The following RABGAP1L variants were observed in gnomAD, a reference collection of about 807,000 sequenced individuals.
RABGAP1L encodes rab GTPase-activating protein 1-like.
In RABGAP1L, 63 loss-of-function variants were observed where a neutral mutation model predicts 137.7. The observed-to-expected ratio is 0.46, with a 90% CI of 0.37 to 0.56. The LOEUF is 0.56. RABGAP1L is among the 20% of genes least tolerant of loss of function. The probability of loss-of-function intolerance (pLI) is 0.00; values close to 1 mark genes in which losing one functional copy is unlikely to be tolerated. For missense variants in RABGAP1L, 1,095 were observed against 1,244.0 expected, an observed-to-expected ratio of 0.88 and a Z score of 1.80; for synonymous variants, 431 against 433.7, an observed-to-expected ratio of 0.99 and a Z score of 0.08.
intron 14 of RABGAP1L, among the ~76,000 whole-genome samples, chr1:174,638,824 G>A (rs1174700769): frequency 6.9e-6 from 1 of 145,336 alleles, no homozygotes; most frequent in Non-Finnish European, 1.5e-5. Flanking sequence ...CTCATAGGTG[G>A]GAATTGAACA....
rs1668742771 is a variant in RABGAP1L, at chr1:174,957,921, G to A, written c.2433+372G>A. ...ATATTTGTAGGTAACTCCAGCTGTT[G>A]CATTTATACTGGGAATCTTCATAAG... On this transcript the variant is annotated intron_variant, in intron 20 of 25. Coordinates refer to ENST00000681986, the MANE Select transcript of RABGAP1L (RefSeq NM_001366446.1). 3 of 1,582,904 alleles carry A rather than the reference G, an allele frequency of 1.9e-6. No individual in the cohort carries two copies. In the Middle Eastern group the frequency reaches 5.1e-4, roughly 269 times the overall value.
chr1:174,331,371 A>G lies in RABGAP1L; in HGVS notation c.1465+26244A>G, dbSNP rs542872850. On this transcript the variant is annotated intron_variant, in intron 11 of 25. Transcript: ENST00000681986. ...ACTAAAAAGCTCCTGCACAGCAAGG[A>G]AAAAATCAACAATGAAGAGACAGCC... Among the ~76,000 whole-genome samples, 3 of 152,360 alleles carry G rather than the reference A, an allele frequency of 2.0e-5. 1 individual carries two copies. Among genetic ancestry groups the G allele is most frequent in the African/African-American group, 7.2e-5 (3 of 41,588 alleles).
intron 11 of RABGAP1L, among the ~76,000 whole-genome samples, chr1:174,358,205 A>G (rs1683807019): frequency 1.3e-5 from 2 of 152,216 alleles, no homozygotes; most frequent in South Asian, 4.1e-4. Context: ...CCTTCGGTGT[A>G]AAATGAAGAA....
At chr1:174,830,032 CAT>C (rs1274841783) in intron 19 of RABGAP1L, among the ~76,000 whole-genome samples, 3 of 148,192 alleles carry the variant, frequency 2.0e-5, no homozygotes, top group African/African-American at 7.4e-5. Flanking sequence ...TGGATTCACT[CAT>C]GTGGTAGCAT....
chr1:174,452,306 A>G (rs1655535633), intron 13 of RABGAP1L, among the ~76,000 whole-genome samples: 1 of 152,162 alleles, frequency 6.6e-6, no homozygotes, highest in East Asian at 1.9e-4. Context: ...GGAAAGCTTC[A>G]TAATTGACAC....
chr1:174,572,022 C>T (rs1668016337), intron 13 of RABGAP1L, among the ~76,000 whole-genome samples: 1 of 152,146 alleles, frequency 6.6e-6, no homozygotes, highest in Admixed American at 6.5e-5. Flanking sequence ...TGCTCTGCTT[C>T]CCTAATCTAA....
Position 174,849,961 on chromosome 1 carries a change from C to G in RABGAP1L, c.2340+38001C>G, listed in dbSNP as rs964847618. 1.1e-5 allele frequency: 8 copies of G among 719,902 alleles called. No individual in the cohort carries two copies. The Admixed American group carries it at 1.5e-4, about 14-fold the overall frequency. The allele number at this position is 719,902 out of a possible 1,614,324, so 44.6% of individuals were successfully genotyped here. A position where few individuals can be genotyped will look rare whatever the true frequency, so the allele number is the denominator to read the frequency against. ...GAAGACACAGGATCTTTGGAATCAA[C>G]ATACACATCTTTTAGAAATGACAGC... On this transcript the variant is annotated intron_variant, in intron 19 of 25. Transcript: ENST00000681986.
rs144492645 is a variant in RABGAP1L, at chr1:174,583,769, T to C, written c.1711-53606T>C. Among the ~76,000 whole-genome samples the C allele has an allele frequency of 1.4e-3, 206 of 152,312 alleles. 1 individual carries two copies. The highest frequency in any genetic ancestry group is 4.6e-3 in the African/African-American group (192 of 41,582). ...TACTAGACTTATTGCCCTTGTGCTG[T>C]AGAGAAAGAGCAAAAGAATTTTAGG... On this transcript the variant is annotated intron_variant, in intron 13 of 25. Transcript: ENST00000681986.
At chr1:174,160,629 G>A (rs763388286) in intron 1 of RABGAP1L, among the ~76,000 whole-genome samples, 2 of 152,190 alleles carry the variant, frequency 1.3e-5, no homozygotes, top group Non-Finnish European at 1.5e-5. Context: ...AGATTTCAGC[G>A]CAGTTTGGAA....
At chr1:174,829,085 T>C (rs1691855262) in intron 19 of RABGAP1L, among the ~76,000 whole-genome samples, 1 of 147,856 alleles carries the variant, frequency 6.8e-6, no homozygotes. Context: ...GTTTCTCTCA[T>C]TGTGAGGTCC....
intron 17 of RABGAP1L, among the ~76,000 whole-genome samples, chr1:174,737,838 A>G (rs886081142): frequency 1.3e-5 from 2 of 152,144 alleles, no homozygotes; most frequent in Non-Finnish European, 2.9e-5. Context: ...AGCATATCAC[A>G]TGGAAAGAGC....
chr1:174,455,775 A>G (rs1253979285), intron 13 of RABGAP1L, among the ~76,000 whole-genome samples: 1 of 152,168 alleles, frequency 6.6e-6, no homozygotes, highest in Non-Finnish European at 1.5e-5. Context: ...GGAAACACTT[A>G]TAACGCTTTT....
rs536674501 is a variant in RABGAP1L, at chr1:174,744,901, T to C, written c.2170-7412T>C. Among the ~76,000 whole-genome samples the C allele has an allele frequency of 2.4e-4, 37 of 152,328 alleles. No individual in the cohort carries two copies. In the East Asian group the frequency reaches 5.8e-3, roughly 24 times the overall value. Reference sequence around the variant, plus strand: ...CTATGGTTATGTAAGATGTTAATGTTTGGGTAAAACTGAGTGAAGGATATG... The same window carrying C: ...CTATGGTTATGTAAGATGTTAATGTCTGGGTAAAACTGAGTGAAGGATATG... On this transcript the variant is annotated intron_variant, in intron 17 of 25. Transcript: ENST00000681986.
intron 13 of RABGAP1L, among the ~76,000 whole-genome samples, chr1:174,580,644 G>C (rs572747312): frequency 6.6e-6 from 1 of 152,098 alleles, no homozygotes; most frequent in Admixed American, 6.6e-5. Flanking sequence ...GTGGGAGGAG[G>C]GGGGAGGGAT....
chr1:174,203,268 T>C (rs1668263888), intron 1 of RABGAP1L, among the ~76,000 whole-genome samples: 2 of 152,176 alleles, frequency 1.3e-5, no homozygotes, highest in Admixed American at 6.6e-5. Flanking sequence ...AGGGAGTCTT[T>C]TCCCCATTGC....
chr1:174,310,262 G>A (rs545244450), intron 11 of RABGAP1L, among the ~76,000 whole-genome samples: 5 of 152,136 alleles, frequency 3.3e-5, no homozygotes, highest in African/African-American at 9.6e-5. Flanking sequence ...TGAATTTTCC[G>A]AAGCTTTTTC....
chr1:174,818,111 A>G (rs1165726884), intron 19 of RABGAP1L, among the ~76,000 whole-genome samples: 3 of 152,228 alleles, frequency 2.0e-5, no homozygotes, highest in African/African-American at 7.2e-5. Flanking sequence ...GATCTGAGCT[A>G]AAAGTAGACA....
chr1:174,500,165 C>T (rs57247971), intron 13 of RABGAP1L, among the ~76,000 whole-genome samples: 5 of 151,904 alleles, frequency 3.3e-5, no homozygotes, highest in East Asian at 1.9e-4. Context: ...CTGCAACCTC[C>T]GCCTCCCGGG....
intron 13 of RABGAP1L, among the ~76,000 whole-genome samples, chr1:174,404,617 CT>C (rs1343200578): frequency 6.6e-6 from 1 of 152,094 alleles, no homozygotes; most frequent in Non-Finnish European, 1.5e-5. Context: ...ATTAAAGCAT[CT>C]ATTCAGTTCA....
Sources: allele counts gnomAD v4.1 joint callset (sites outside exome capture counted in the v4.1 genomes callset), GRCh38; gene constraint gnomAD v4.1.1; transcripts MANE v1.5; gene names NCBI Gene and HGNC (gene_info 2026-07-23, HGNC 2026-07-21).